PALM2AKAP2: variants seen among roughly 807,000 people sequenced by gnomAD.
PALM2AKAP2 encodes PALM2 and AKAP2 fusion.
Under a neutral mutation model 71.5 loss-of-function variants are expected in PALM2AKAP2, and 37 were observed. The observed-to-expected ratio is 0.52, with a 90% CI of 0.40 to 0.68. PALM2AKAP2 has a LOEUF of 0.68. PALM2AKAP2 is among the 30% of genes least tolerant of loss of function. PALM2AKAP2 has a pLI of 0.00. For synonymous variants in PALM2AKAP2, 468 were observed against 478.8 expected (o/e 0.98, Z 0.29); for missense variants, 1,224 against 1,191.8 (o/e 1.03, Z -0.40).
At chr9:109,822,723 T>A (rs977281356) in intron 1 of PALM2AKAP2, among the ~76,000 whole-genome samples, 1 of 152,216 alleles carries the variant, frequency 6.6e-6, no homozygotes, top group African/African-American at 2.4e-5. Context: ...TTTTTATGGC[T>A]GTGTTGTATT....
At chr9:110,089,427 A>G (rs1338874674) in intron 1 of PALM2AKAP2, among the ~76,000 whole-genome samples, 1 of 152,204 alleles carries the variant, frequency 6.6e-6, no homozygotes, top group East Asian at 1.9e-4. Context: ...GGAGATAAGT[A>G]CTAGTTGATT....
chr9:110,012,095 C>T (rs763338539), intron 6 of PALM2AKAP2, among the ~76,000 whole-genome samples: 6 of 152,112 alleles, frequency 3.9e-5, no homozygotes, highest in Admixed American at 6.5e-5. Flanking sequence ...AGGAGTTAGA[C>T]CGGTCTGACC....
At chr9:109,869,612 G>A (rs1217543972) in intron 2 of PALM2AKAP2, among the ~76,000 whole-genome samples, 1 of 140,856 alleles carries the variant, frequency 7.1e-6, no homozygotes, top group Non-Finnish European at 1.6e-5. Context: ...TGCTGGGATT[G>A]CATATTCATT....
intron 3 of PALM2AKAP2, among the ~76,000 whole-genome samples, chr9:109,889,737 G>A (rs983401005): frequency 6.6e-6 from 1 of 152,144 alleles, no homozygotes; most frequent in East Asian, 1.9e-4. Flanking sequence ...ATCGTGCCTC[G>A]CTCAGGTTTT....
intron 1 of PALM2AKAP2, among the ~76,000 whole-genome samples, chr9:109,757,010 A>C (rs1297610902): frequency 6.6e-6 from 1 of 152,108 alleles, no homozygotes; most frequent in Non-Finnish European, 1.5e-5. Flanking sequence ...GAAATATACA[A>C]TACATTGCTG....
In PALM2AKAP2 at chr9:110,001,501, T is replaced by C. The variant is rs1171436969; in HGVS notation, c.497-14453T>C. Reference sequence around the variant, plus strand: ...AGGATTGACTTGGCAATGCAGGCTCTTTTTTGGTTCCATATGAACTTTAAA... The same window carrying C: ...AGGATTGACTTGGCAATGCAGGCTCCTTTTTGGTTCCATATGAACTTTAAA... On this transcript the variant is annotated intron_variant, in intron 6 of 9. Coordinates refer to the PALM2AKAP2 transcript ENST00000302798. Among the ~76,000 whole-genome samples, 4 of 152,242 alleles carry C rather than the reference T, an allele frequency of 2.6e-5. No individual in the cohort carries two copies. The East Asian group carries it at 5.8e-4, about 22-fold the overall frequency.
intron 1 of PALM2AKAP2, among the ~76,000 whole-genome samples, chr9:109,724,653 G>A (rs771407056): frequency 6.6e-6 from 1 of 152,134 alleles, no homozygotes; most frequent in South Asian, 2.1e-4. Flanking sequence ...AGCATTTTGT[G>A]TTACTCATTT....
chr9:109,692,341 T>C (rs185549550), intron 1 of PALM2AKAP2, among the ~76,000 whole-genome samples: 108 of 152,090 alleles, frequency 7.1e-4, no homozygotes, highest in African/African-American at 2.3e-3. Context: ...CTAATAAGGT[T>C]TGGGTTTTTT....
intron 1 of PALM2AKAP2, among the ~76,000 whole-genome samples, chr9:110,053,419 TC>T (rs915167760): frequency 5.4e-5 from 8 of 149,216 alleles, no homozygotes; most frequent in African/African-American, 2.0e-4. Flanking sequence ...TCCCAGCTAC[TC>T]GAGAGGCTGA....
exon 4 of PALM2AKAP2, chr9:110,169,553 G>A (rs2119300679): frequency 6.6e-6 from 1 of 152,120 alleles, no homozygotes; most frequent in African/African-American, 2.4e-5. Context: ...AATCAGAAAG[G>A]AAACACGAAA....
intron 3 of PALM2AKAP2, among the ~76,000 whole-genome samples, chr9:109,905,520 C>A (rs1356193532): frequency 6.6e-6 from 1 of 152,182 alleles, no homozygotes; most frequent in Non-Finnish European, 1.5e-5. Context: ...CGTGAGAAAC[C>A]AACAGTGCAG....
chr9:110,045,863 C>G (rs1212556890), upstream of PALM2AKAP2, among the ~76,000 whole-genome samples: 1 of 152,164 alleles, frequency 6.6e-6, no homozygotes, highest in African/African-American at 2.4e-5. Flanking sequence ...CTACCACACC[C>G]TGCCGGAATC....
chr9:109,839,266 C>G (rs1828582206), intron 1 of PALM2AKAP2, among the ~76,000 whole-genome samples: 1 of 152,162 alleles, frequency 6.6e-6, no homozygotes, highest in African/African-American at 2.4e-5. Flanking sequence ...AGCATATAAA[C>G]AGAACCAAAG....
chr9:109,868,027 T>C (rs1242296773), intron 2 of PALM2AKAP2, among the ~76,000 whole-genome samples: 2 of 152,210 alleles, frequency 1.3e-5, no homozygotes, highest in Non-Finnish European at 2.9e-5. Flanking sequence ...GATTAAACGA[T>C]GTGATCTGAT....
intron 6 of PALM2AKAP2, chr9:109,946,189 T>C (rs1181756143): frequency 6.6e-6 from 1 of 152,186 alleles, no homozygotes; most frequent in African/African-American, 2.4e-5. Context: ...TTCATGATGA[T>C]AGTGTACATG....
At chr9:110,090,372 A>C in intron 1 of PALM2AKAP2, 1 of 456,742 alleles carries the variant, frequency 2.2e-6, no homozygotes, top group Non-Finnish European at 4.4e-6. Context: ...ACTGAGGGAA[A>C]GTTAGGTCAT....
At chr9:110,137,436 C>A (rs761025342) in exon 2 of PALM2AKAP2, 1 of 1,613,980 alleles carries the variant, frequency 6.2e-7, no homozygotes, top group Admixed American at 1.7e-5. Context: ...CTGGAGACCC[C>A]ATCGGCAGCA....
At chr9:110,091,698 A>G (rs138681547) in intron 1 of PALM2AKAP2, among the ~76,000 whole-genome samples, 139 of 152,026 alleles carry the variant, frequency 9.1e-4, no homozygotes, top group South Asian at 1.7e-3. Context: ...TCCTGACCTC[A>G]TGATCTGCCC....
chr9:109,859,600 A>G (rs1161408376), intron 1 of PALM2AKAP2, among the ~76,000 whole-genome samples: 3 of 152,254 alleles, frequency 2.0e-5, no homozygotes, highest in Non-Finnish European at 4.4e-5. Context: ...AGAAAACAAT[A>G]CAAAGCTGGC....
Sources: gnomAD v4.1 joint callset for allele counts (sites outside exome capture counted in the v4.1 genomes callset) on GRCh38, gnomAD v4.1.1 for gene constraint, MANE v1.5 for transcripts, NCBI Gene and HGNC (gene_info 2026-07-23, HGNC 2026-07-21) for gene names.